The following DHX32 variants were observed in gnomAD, a reference collection of about 807,000 sequenced individuals.
DHX32 encodes putative pre-mRNA-splicing factor ATP-dependent RNA helicase DHX32.
In DHX32, 51 loss-of-function variants were observed where a neutral mutation model predicts 70.0. The observed-to-expected ratio is 0.73, with a 90% CI of 0.58 to 0.92. The LOEUF is 0.92. Ranked by LOEUF, DHX32 falls within the 40% of genes least tolerant of loss-of-function variation. The pLI is 0.00. For synonymous variants in DHX32, 310 were observed against 315.3 expected, an observed-to-expected ratio of 0.98 and a Z score of 0.18; for missense variants, 762 against 891.8, an observed-to-expected ratio of 0.85 and a Z score of 1.85.
At chr10:125,856,048 A>G (rs1422973658) in intron 3 of DHX32, among the ~76,000 whole-genome samples, 1 of 152,254 alleles carries the variant, frequency 6.6e-6, no homozygotes, top group Non-Finnish European at 1.5e-5. Flanking sequence ...CACAGCTGAT[A>G]CAGGGCTTTA....
At chr10:125,849,175 A>G (rs1944059913) in intron 6 of DHX32, among the ~76,000 whole-genome samples, 1 of 152,248 alleles carries the variant, frequency 6.6e-6, no homozygotes, top group African/African-American at 2.4e-5. Flanking sequence ...GGTTCCATTA[A>G]GTTAAATTGC....
At position 125,876,220 on chromosome 10, in the gene DHX32, C is replaced by A. The variant is rs537721959; in HGVS notation, c.282+4323G>T. ...ATTCCTTAGCCCCCTGCCCACCAAA[C>A]TATCCTTGAAAAACTCTAGCCTCCA... On this transcript the variant is annotated intron_variant, in intron 1 of 10. Transcript: ENST00000284690. Among the ~76,000 whole-genome samples the A allele has an allele frequency of 5.9e-5, 9 of 152,314 alleles. No homozygotes were observed. The East Asian group carries it at 1.7e-3, about 29-fold the overall frequency.
intron 1 of DHX32, among the ~76,000 whole-genome samples, chr10:125,871,982 C>G (rs1347978893): frequency 6.6e-6 from 1 of 152,006 alleles, no homozygotes; most frequent in South Asian, 2.1e-4. Context: ...CCTGCCTCAG[C>G]GTCCCAAGTA....
chr10:125,855,120 G>T (rs113676877), intron 3 of DHX32, among the ~76,000 whole-genome samples: 2,638 of 151,678 alleles, frequency 0.017, 77 homozygotes, highest in African/African-American at 0.06. Flanking sequence ...TACTCACAAG[G>T]CTGAGGCAGG....
At chr10:125,837,523 GCTCAAGCGATC>G (rs1854732360) in intron 10 of DHX32, among the ~76,000 whole-genome samples, 1 of 152,160 alleles carries the variant, frequency 6.6e-6, no homozygotes, top group Admixed American at 6.5e-5. Flanking sequence ...GACCTCCTGG[GCTCAAGCGATC>G]CTCTGTCGCA....
At chr10:125,865,138 T>C (rs888859078) in intron 2 of DHX32, among the ~76,000 whole-genome samples, 6 of 152,046 alleles carry the variant, frequency 3.9e-5, no homozygotes, top group East Asian at 1.9e-4. Context: ...ATTAAAAACA[T>C]AATTCAAAGG....
At chr10:125,856,152 T>C (rs550569398) in intron 3 of DHX32, among the ~76,000 whole-genome samples, 1 of 152,364 alleles carries the variant, frequency 6.6e-6, no homozygotes, top group Admixed American at 6.5e-5. Flanking sequence ...TTGATTCTTA[T>C]TCAATGTATG....
chr10:125,875,686 A>G (rs1944279976), intron 1 of DHX32, among the ~76,000 whole-genome samples: 1 of 152,228 alleles, frequency 6.6e-6, no homozygotes, highest in Non-Finnish European at 1.5e-5. Context: ...ACACTAGTGG[A>G]TGAATGTGAA....
At chr10:125,891,757 C>G (rs1248526039) in intron 1 of DHX32, among the ~76,000 whole-genome samples, 6 of 152,284 alleles carry the variant, frequency 3.9e-5, no homozygotes, top group African/African-American at 1.4e-4. Flanking sequence ...GCATGAACTC[C>G]TCAGGAGTAG....
chr10:125,877,132 C>T (rs2134070234), intron 1 of DHX32, among the ~76,000 whole-genome samples: 1 of 152,256 alleles, frequency 6.6e-6, no homozygotes, highest in South Asian at 2.1e-4. Flanking sequence ...AATCTTTGTA[C>T]TATTTTTGCA....
chr10:125,894,256 C>T (rs1456573079), intron 1 of DHX32, among the ~76,000 whole-genome samples: 1 of 152,144 alleles, frequency 6.6e-6, no homozygotes, highest in Non-Finnish European at 1.5e-5. Flanking sequence ...TTTCTGATCT[C>T]GGGTGTTTTC....
chr10:125,860,877 A>G (rs529553318), intron 2 of DHX32, among the ~76,000 whole-genome samples: 23 of 146,288 alleles, frequency 1.6e-4, no homozygotes, highest in African/African-American at 5.4e-4. Flanking sequence ...CTCAGCCTCC[A>G]GAGTAGCTGG....
intron 2 of DHX32, among the ~76,000 whole-genome samples, chr10:125,862,435 A>G (rs1161417786): frequency 2.1e-5 from 3 of 145,672 alleles, no homozygotes; most frequent in African/African-American, 7.5e-5. Context: ...CTAGTTTTCA[A>G]TTTTTTTTTT....
chr10:125,848,986 A>C (rs2134039073), intron 6 of DHX32, among the ~76,000 whole-genome samples: 1 of 152,308 alleles, frequency 6.6e-6, no homozygotes, highest in East Asian at 1.9e-4. Context: ...AGCCTGGCCC[A>C]AGAGCCTGTG....
Position 125,841,013 on chromosome 10 carries a change from G to T in DHX32, c.1544-17C>A. On this transcript the variant is annotated splice_polypyrimidine_tract_variant and intron_variant, in intron 7 of 10. Coordinates refer to ENST00000284690, the MANE Select transcript of DHX32 (RefSeq NM_018180.3). Reference sequence around the variant, plus strand: ...AATTTGGAGCTTCAAAATGAAAAAGGTCACATGGTTAGCAATAATGAAGAC... The same window carrying T: ...AATTTGGAGCTTCAAAATGAAAAAGTTCACATGGTTAGCAATAATGAAGAC... 1 of 1,590,322 alleles carries T rather than the reference G, an allele frequency of 6.3e-7. No individual in the cohort carries two copies. Among genetic ancestry groups the T allele is most frequent in the Non-Finnish European group, 8.6e-7 (1 of 1,163,688 alleles).
At chr10:125,846,701 G>T (rs575908463) in intron 6 of DHX32, among the ~76,000 whole-genome samples, 46 of 152,296 alleles carry the variant, frequency 3.0e-4, no homozygotes, top group South Asian at 4.1e-4. Flanking sequence ...TATAGGACAG[G>T]ATTTTGTGCC....
chr10:125,890,015 C>T (rs1327909023), intron 1 of DHX32, among the ~76,000 whole-genome samples: 1 of 152,338 alleles, frequency 6.6e-6, no homozygotes, highest in African/African-American at 2.4e-5. Flanking sequence ...AGTGTATATG[C>T]TTAACCATAT....
exon 1 of DHX32, chr10:125,896,232 C>CTCGAGTCCCCGGAGGG (rs1286756185): frequency 6.4e-6 from 1 of 155,714 alleles, no homozygotes; most frequent in Non-Finnish European, 1.4e-5. Flanking sequence ...AGCGGCGGCT[C>CTCGAGTCCCCGGAGGG]CCGATTCCCG....
intron 1 of DHX32, among the ~76,000 whole-genome samples, chr10:125,893,984 G>T (rs893278247): frequency 6.6e-6 from 1 of 151,940 alleles, no homozygotes; most frequent in Non-Finnish European, 1.5e-5. Context: ...TCTCTTCATT[G>T]TTACTTTGTT....
Sources: allele counts gnomAD v4.1 joint callset (sites outside exome capture counted in the v4.1 genomes callset), GRCh38; gene constraint gnomAD v4.1.1; transcripts MANE v1.5; gene names NCBI Gene and HGNC (gene_info 2026-07-23, HGNC 2026-07-21).